Variants in LRRC37A2 observed in about 807,000 individuals in gnomAD.
The protein encoded by LRRC37A2 is leucine rich repeat containing 37 member A2.
In LRRC37A2, 9 loss-of-function variants were observed where a neutral mutation model predicts 68.8. The ratio of observed to expected loss-of-function variants is 0.13; its 90% CI spans 0.08 to 0.23. The LOEUF (loss-of-function observed/expected upper bound fraction) is 0.23. LRRC37A2 is among the 10% of genes least tolerant of loss of function. The pLI, the probability that LRRC37A2 is intolerant of heterozygous loss-of-function variation, is 1.00. For synonymous variants in LRRC37A2, 63 were observed against 367.6 expected (o/e 0.17, Z 9.48); for missense variants, 168 against 950.4 (o/e 0.18, Z 10.82).
chr17:46,773,162 C>A, the LRRC37A2 span, among the ~76,000 whole-genome samples: 2 of 152,260 alleles, frequency 1.3e-5, no homozygotes, highest in African/African-American at 4.8e-5. Flanking sequence ...CACCCTCTAG[C>A]CCCACCATGA....
At chr17:46,939,007 C>G in the LRRC37A2 span, 1 of 1,340,228 alleles carries the variant, frequency 7.5e-7, no homozygotes. Context: ...CTGTCTCTCT[C>G]ACTCTCGCTC....
the LRRC37A2 span, among the ~76,000 whole-genome samples, chr17:46,784,895 C>T: frequency 6.6e-6 from 1 of 151,870 alleles, no homozygotes; most frequent in Non-Finnish European, 1.5e-5. Flanking sequence ...CCTGCCTCAG[C>T]CTCCCGAGTA....
chr17:46,943,604 C>G, the LRRC37A2 span, among the ~76,000 whole-genome samples: 3 of 152,230 alleles, frequency 2.0e-5, no homozygotes, highest in African/African-American at 7.2e-5. Context: ...TTGTGCATCC[C>G]GGGCACGTAG....
At chr17:46,736,579 AT>A in the LRRC37A2 span, among the ~76,000 whole-genome samples, 2 of 152,088 alleles carry the variant, frequency 1.3e-5, no homozygotes, top group Non-Finnish European at 2.9e-5. Context: ...TACTTTATAG[AT>A]TTTCTACAAT....
At chr17:46,585,215 G>A in the LRRC37A2 span, among the ~76,000 whole-genome samples, 4 of 149,056 alleles carry the variant, frequency 2.7e-5, no homozygotes, top group Admixed American at 2.7e-4. Flanking sequence ...CTACTTGAGA[G>A]GCTGAAGCAG....
At chr17:46,892,563 G>A in the LRRC37A2 span, among the ~76,000 whole-genome samples, 1 of 152,208 alleles carries the variant, frequency 6.6e-6, no homozygotes, top group Non-Finnish European at 1.5e-5. Flanking sequence ...GCCTGCACTA[G>A]CATTGTAGGT....
the LRRC37A2 span, among the ~76,000 whole-genome samples, chr17:46,913,689 G>A: frequency 6.6e-6 from 1 of 152,210 alleles, no homozygotes; most frequent in African/African-American, 2.4e-5. Context: ...ATATTACTGT[G>A]TTCTCTAGAC....
the LRRC37A2 span, chr17:47,033,225 A>G: frequency 2.8e-5 from 3 of 106,496 alleles, no homozygotes; most frequent in Non-Finnish European, 6.1e-5. Flanking sequence ...TCATCTCAAA[A>G]AAAAAAAAAA....
At chr17:46,823,196 ATT>A in the LRRC37A2 span, among the ~76,000 whole-genome samples, 3,777 of 123,448 alleles carry the variant, frequency 0.031, 324 homozygotes, top group African/African-American at 0.077. Context: ...TATTATATAT[ATT>A]TATATATAAT....
the LRRC37A2 span, among the ~76,000 whole-genome samples, chr17:46,828,015 T>C: frequency 6.6e-6 from 1 of 151,694 alleles, no homozygotes; most frequent in Admixed American, 6.6e-5. Context: ...TTTCACCATG[T>C]TAGCCAGGAT....
the LRRC37A2 span, among the ~76,000 whole-genome samples, chr17:46,794,804 G>A: frequency 6.8e-6 from 1 of 147,098 alleles, no homozygotes. Context: ...AGGCTGGAGT[G>A]CAGAGGTACG....
the LRRC37A2 span, among the ~76,000 whole-genome samples, chr17:46,762,062 C>A: frequency 2.0e-5 from 3 of 152,220 alleles, no homozygotes; most frequent in South Asian, 4.1e-4. Context: ...AGGGGACAGA[C>A]AATTTTCAGT....
chr17:46,983,711 A>G, the LRRC37A2 span, among the ~76,000 whole-genome samples: 90,018 of 152,176 alleles, frequency 0.59, 27,294 homozygotes, highest in Non-Finnish European at 0.65. Context: ...TTATTGCTAC[A>G]TCACAAATAT....
chr17:46,813,471 G>T, the LRRC37A2 span, among the ~76,000 whole-genome samples: 1 of 149,938 alleles, frequency 6.7e-6, no homozygotes, highest in Non-Finnish European at 1.5e-5. Flanking sequence ...AACCTTTGGC[G>T]GGGGGTGGGG....
chr17:46,821,761 C>G, the LRRC37A2 span, among the ~76,000 whole-genome samples: 1 of 152,318 alleles, frequency 6.6e-6, no homozygotes, highest in African/African-American at 2.4e-5. Context: ...AGTCCCAACC[C>G]AACCCCTCTC....
the LRRC37A2 span, among the ~76,000 whole-genome samples, chr17:46,983,319 C>A: frequency 7.7e-6 from 1 of 130,632 alleles, no homozygotes; most frequent in South Asian, 2.6e-4. Context: ...TTTTTTGAGA[C>A]GGAGTCTCGC....
the LRRC37A2 span, chr17:46,923,024 T>A: frequency 1.5e-6 from 1 of 648,568 alleles, no homozygotes; most frequent in Non-Finnish European, 2.8e-6. Context: ...TCATTTCTCC[T>A]TCCCCTTCTC....
the LRRC37A2 span, chr17:46,818,850 C>A: frequency 1.8e-6 from 1 of 548,966 alleles, no homozygotes; most frequent in African/African-American, 1.9e-5. Context: ...CAATCACGCG[C>A]CCCTCCCGCC....
At chr17:46,809,872 G>C in the LRRC37A2 span, among the ~76,000 whole-genome samples, 1 of 152,142 alleles carries the variant, frequency 6.6e-6, no homozygotes, top group African/African-American at 2.4e-5. Context: ...GGACTCCCCT[G>C]TCCAGCCCCA....
Sources: allele counts gnomAD v4.1 joint callset (sites outside exome capture counted in the v4.1 genomes callset), GRCh38; gene constraint gnomAD v4.1.1; transcripts MANE v1.5; gene names NCBI Gene and HGNC (gene_info 2026-07-23, HGNC 2026-07-21).